Variants in FBN2 observed in about 807,000 individuals in gnomAD.
The protein encoded by FBN2 is fibrillin-2.
Under a neutral mutation model 355.6 loss-of-function variants are expected in FBN2, and 105 were observed. That is an observed-to-expected ratio of 0.30 (90% CI 0.25 to 0.35). FBN2 has a LOEUF of 0.35. FBN2 is among the 10% of genes least tolerant of loss of function. The probability of loss-of-function intolerance (pLI) is 1.00; values close to 1 mark genes in which losing one functional copy is unlikely to be tolerated. For synonymous variants in FBN2, 1,350 were observed against 1,301.2 expected (o/e 1.04, Z -0.81); for missense variants, 3,280 against 3,758.7 (o/e 0.87, Z 3.33).
Position 128,261,795 on chromosome 5 carries a change from C to G in FBN2, c.8305G>C (p.Gly2769Arg). ...TGCCTGCTGTCTTTCTTAGAATAGC[C>G]GTTGATTTTGCACTCGTAGCATGCT... Reference protein sequence around the residue: ...PEACYECKINGYSKKDSRQKR... With the variant: ...PEACYECKINRYSKKDSRQKR... The change falls in exon 64 of 65, where the codon GGC (glycine) becomes CGC (arginine). Residue 2769 changes from glycine (G) to arginine (R), a missense_variant. Around this residue, in one of 6 missense-constraint regions of FBN2, gnomAD observed 311 missense variants for 319.1 expected, o/e 0.97. Transcript: ENST00000262464. 6 of 1,614,188 alleles carry G rather than the reference C, an allele frequency of 3.7e-6. No homozygotes were observed. The highest frequency in any genetic ancestry group is 5.1e-6 in the Non-Finnish European group (6 of 1,180,002).
At chr5:128,383,752 A>G (rs1365821551) in intron 11 of FBN2, among the ~76,000 whole-genome samples, 3 of 152,100 alleles carry the variant, frequency 2.0e-5, no homozygotes, top group African/African-American at 4.8e-5. Flanking sequence ...TAAAACCACA[A>G]TGAGAAATCC....
intron 1 of FBN2, among the ~76,000 whole-genome samples, chr5:128,537,085 C>T (rs1316647206): frequency 6.6e-6 from 1 of 152,138 alleles, no homozygotes; most frequent in Non-Finnish European, 1.5e-5. Context: ...GAGCTCTGCA[C>T]ACGCTCTGCG....
At chr5:128,353,816 A>C (rs1317311953) in intron 20 of FBN2, among the ~76,000 whole-genome samples, 4 of 152,232 alleles carry the variant, frequency 2.6e-5, no homozygotes, top group Non-Finnish European at 5.9e-5. Flanking sequence ...GTACAGTGTC[A>C]GCATCAAGAT....
chr5:128,456,775 C>T (rs923108130), intron 6 of FBN2, among the ~76,000 whole-genome samples: 1 of 151,932 alleles, frequency 6.6e-6, no homozygotes, highest in African/African-American at 2.4e-5. Flanking sequence ...AATAAAAAGG[C>T]CCCCATAAAA....
At chr5:128,416,461 A>G (rs1451502013) in intron 7 of FBN2, among the ~76,000 whole-genome samples, 1 of 152,150 alleles carries the variant, frequency 6.6e-6, no homozygotes, top group East Asian at 1.9e-4. Flanking sequence ...TGTGCTTTTG[A>G]GTCGTAGTCA....
Position 128,336,042 on chromosome 5 carries a change from G to C in FBN2, c.3670C>G (p.Gln1224Glu). 6.2e-7 allele frequency: 1 copy of C among 1,614,020 alleles called. No individual in the cohort carries two copies. The highest frequency in any genetic ancestry group is 8.5e-7 in the Non-Finnish European group (1 of 1,179,896). The change falls in exon 28 of 65, where the codon CAG (glutamine) becomes GAG (glutamate). Residue 1224 changes from glutamine to glutamate, a missense_variant. This residue lies in a region of FBN2 where 2,284 missense variants were observed against 2,749.5 expected (regional missense o/e 0.83). Transcript: ENST00000262464. Reference protein sequence around the residue: ...GKCVNMIGTYQCSCNPGYQAT... With the variant: ...GKCVNMIGTYECSCNPGYQAT... Reference sequence around the variant, plus strand: ...TGATATCCAGGATTGCAAGAGCACTGATAGGTTCCAATCATGTTCACACAT... The same window carrying C: ...TGATATCCAGGATTGCAAGAGCACTCATAGGTTCCAATCATGTTCACACAT...
chr5:128,308,291 G>A (rs997580316), intron 41 of FBN2, among the ~76,000 whole-genome samples: 1 of 152,022 alleles, frequency 6.6e-6, no homozygotes, highest in South Asian at 2.1e-4. Context: ...TGTAACTATG[G>A]AGTTTTAAAG....
intron 19 of FBN2, 95 bp downstream of exon 19, chr5:128,361,628 A>G: frequency 7.0e-7 from 1 of 1,437,086 alleles, no homozygotes; most frequent in Non-Finnish European, 9.8e-7. Context: ...TTCAAACAAT[A>G]TTCTTTTCAC....
intron 8 of FBN2, among the ~76,000 whole-genome samples, chr5:128,398,051 A>C (rs1226538226): frequency 2.0e-5 from 3 of 152,170 alleles, no homozygotes; most frequent in African/African-American, 4.8e-5. Context: ...TGTAACCACA[A>C]GGTCTTCCTC....
chr5:128,428,619 C>G (rs190980226), intron 7 of FBN2, among the ~76,000 whole-genome samples: 32 of 152,302 alleles, frequency 2.1e-4, no homozygotes, highest in Non-Finnish European at 3.5e-4. Context: ...AAATTCCACA[C>G]CACATTAGCA....
At chr5:128,458,275 T>G (rs1754458058) in intron 6 of FBN2, among the ~76,000 whole-genome samples, 1 of 152,058 alleles carries the variant, frequency 6.6e-6, no homozygotes, top group Non-Finnish European at 1.5e-5. Context: ...CTAACTCTTC[T>G]GTTGAATTCA....
At chr5:128,391,743 T>G (rs1369828124) in intron 11 of FBN2, among the ~76,000 whole-genome samples, 1 of 152,142 alleles carries the variant, frequency 6.6e-6, no homozygotes, top group Admixed American at 6.5e-5. Flanking sequence ...ATTTTTAGTT[T>G]ATATTAAGAG....
At chr5:128,519,890 G>A (rs985241008) in intron 4 of FBN2, among the ~76,000 whole-genome samples, 1 of 151,890 alleles carries the variant, frequency 6.6e-6, no homozygotes, top group Non-Finnish European at 1.5e-5. Context: ...GGAAGCCAAG[G>A]GGGGAAAAGG....
At chr5:128,273,741 T>G in intron 61 of FBN2, 99 bp downstream of exon 61, 1 of 1,268,868 alleles carries the variant, frequency 7.9e-7, no homozygotes, top group South Asian at 1.2e-5. Flanking sequence ...TTCAATACTT[T>G]TTTTTCTTTT....
chr5:128,441,902 C>CAG (rs1274339365), intron 7 of FBN2: 2 of 152,310 alleles, frequency 1.3e-5, no homozygotes, highest in East Asian at 3.8e-4. Flanking sequence ...CTTCACTCTC[C>CAG]ATTTTAATGA....
chr5:128,385,187 G>T (rs528341755), intron 11 of FBN2, among the ~76,000 whole-genome samples: 8 of 152,198 alleles, frequency 5.3e-5, no homozygotes, highest in Admixed American at 5.2e-4. Context: ...CTGATAGGTA[G>T]CTTTTCGATC....
In FBN2 at chr5:128,364,672, T is replaced by G; in HGVS notation, c.2356A>C (p.Asn786His). ...PDICANGICE[N>H]LRGSYRCNCN... The stretch of plus-strand genomic sequence containing the variant: ...TTACAACGGTAACTACCACGTAAGT[T>G]TTCACAAATCCCATTGGCACATATA... The change falls in exon 18 of 65, where the codon AAC (asparagine) becomes CAC (histidine). Residue 786 changes from asparagine to histidine, a missense_variant. Physicochemically the swap from Asn to His is moderately conservative, Grantham distance 68. Coordinates refer to ENST00000262464, the MANE Select transcript of FBN2 (RefSeq NM_001999.4). 1 of 1,613,466 alleles carries G rather than the reference T, an allele frequency of 6.2e-7. No homozygotes were observed. The highest frequency in any genetic ancestry group is 8.5e-7 in the Non-Finnish European group (1 of 1,179,478).
rs55789200 is a variant in FBN2 at position 128,371,509 on chromosome 5, A to ATCCTTCCTTCCT, written c.2096-2187_2096-2176dup. Among the ~76,000 whole-genome samples, 372 of 102,758 alleles carry ATCCTTCCTTCCT rather than the reference A, an allele frequency of 3.6e-3. 3 individuals are homozygous for ATCCTTCCTTCCT. Among genetic ancestry groups the ATCCTTCCTTCCT allele is most frequent in the Non-Finnish European group, 4.7e-3 (249 of 52,566 alleles). The allele number at this position is 102,758 out of a possible 152,430, so 67.4% of individuals were successfully genotyped here. On this transcript the variant is annotated intron_variant, in intron 15 of 64. Transcript: ENST00000262464. ...CTTTCTTCCCTCCCTCCCTCCCTCCATCCTTCCTTCCTTCCTTCCTTCCTT... is the reference window on the plus strand; with the variant it reads ...CTTTCTTCCCTCCCTCCCTCCCTCCATCCTTCCTTCCTTCCTTCCTTCCTTCCTTCCTTCCTT...
intron 5 of FBN2, among the ~76,000 whole-genome samples, chr5:128,504,639 T>G (rs889664775): frequency 3.9e-5 from 6 of 152,214 alleles, no homozygotes; most frequent in African/African-American, 1.2e-4. Context: ...AACAGGTGTA[T>G]TTACCCAATG....
Sources: allele counts gnomAD v4.1 joint callset (sites outside exome capture counted in the v4.1 genomes callset), GRCh38; gene constraint gnomAD v4.1.1; regional missense constraint gnomAD v4.1.1; transcripts MANE v1.5; gene names NCBI Gene and HGNC (gene_info 2026-07-23, HGNC 2026-07-21).